The following MID2 variants were observed in gnomAD, a reference collection of about 807,000 sequenced individuals.
MID2 encodes midline 2.
A neutral mutation model predicts 46.1 loss-of-function variants in MID2; 13 were observed. That is an observed-to-expected ratio of 0.28 (90% confidence interval 0.18 to 0.45). The LOEUF (loss-of-function observed/expected upper bound fraction) is 0.45, where lower values mean the gene tolerates loss of function less well. Ranked by LOEUF, MID2 falls within the 20% of genes least tolerant of loss-of-function variation. MID2 has a pLI of 1.00. For missense variants in MID2, 431 were observed against 575.4 expected (o/e 0.75, Z 2.57); for synonymous variants, 199 against 212.3 (o/e 0.94, Z 0.55).
intron 5 of MID2, among the ~76,000 whole-genome samples, chrX:107,908,458 G>A (rs1250643280): frequency 9.0e-6 from 1 of 111,436 alleles, no homozygotes; most frequent in Non-Finnish European, 1.9e-5. Context: ...ATATCTTCAA[G>A]TTCACTAGCC....
chrX:107,849,729 A>C (rs1686765429), intron 2 of MID2, among the ~76,000 whole-genome samples: 1 of 112,569 alleles, frequency 8.9e-6, no homozygotes, highest in South Asian at 3.7e-4. Flanking sequence ...AATCAGCCAA[A>C]TCTTTCCCTT....
At chrX:107,852,775 C>G (rs1004065606) in intron 2 of MID2, among the ~76,000 whole-genome samples, 2 of 111,938 alleles carry the variant, frequency 1.8e-5, no homozygotes, top group African/African-American at 3.3e-5. Context: ...AGGTACTTAG[C>G]AGACAGAAAG....
At chrX:107,842,339 T>G (rs1488425116) in intron 2 of MID2, among the ~76,000 whole-genome samples, 1 of 112,497 alleles carries the variant, frequency 8.9e-6, no homozygotes, top group East Asian at 2.8e-4. Context: ...ATTGCTTGTC[T>G]GCTATGTTGT....
At chrX:107,918,520 T>C (rs949922843) in intron 7 of MID2, among the ~76,000 whole-genome samples, 2 of 112,158 alleles carry the variant, frequency 1.8e-5, no homozygotes, top group Non-Finnish European at 3.8e-5. Context: ...ATGAGAGTAG[T>C]TTTTCCAACT....
At chrX:107,884,353 C>A (rs1478080670) in intron 3 of MID2, among the ~76,000 whole-genome samples, 1 of 112,501 alleles carries the variant, frequency 8.9e-6, no homozygotes, top group Non-Finnish European at 1.9e-5. Flanking sequence ...TTAATTCCTA[C>A]TATGTTCCAG....
intron 3 of MID2, among the ~76,000 whole-genome samples, chrX:107,893,976 C>T (rs1234308451): frequency 2.7e-5 from 3 of 112,364 alleles, no homozygotes; most frequent in African/African-American, 3.2e-5. Flanking sequence ...TACACTCCTT[C>T]GATTTTCCAT....
Position 107,826,109 on chromosome X carries a change from G to A in MID2, c.-318G>A. The A allele has an allele frequency of 1.0e-5, 3 of 296,626 alleles. No homozygotes were observed. The highest frequency in any genetic ancestry group is 6.1e-5 in the Admixed American group (1 of 16,499). 24.4% of individuals were successfully genotyped at this position (296,626 alleles called of 1,213,427 possible). ...GCGGAAATGACAGTGTGGTGCTGCC[G>A]TGGTGTCATGGTGCTGCCCCTGGAC... On this transcript the variant is annotated 5_prime_UTR_variant, in exon 1 of 10. In the 5' UTR this introduces an upstream ATG that the reference lacks. Coordinates refer to ENST00000262843, the MANE Select transcript of MID2 (RefSeq NM_012216.4).
chrX:107,864,028 T>G (rs1448323514), intron 3 of MID2, among the ~76,000 whole-genome samples: 1 of 112,600 alleles, frequency 8.9e-6, no homozygotes, highest in Admixed American at 9.4e-5. Context: ...GATGCCTTAC[T>G]CAAGGTCACA....
chrX:107,866,531 A>G (rs2054291208), intron 3 of MID2, among the ~76,000 whole-genome samples: 1 of 109,676 alleles, frequency 9.1e-6, no homozygotes, highest in Non-Finnish European at 1.9e-5. Context: ...GTGACACATC[A>G]TTAGCTCAGA....
chrX:107,921,988 G>A (rs991963173), intron 7 of MID2, among the ~76,000 whole-genome samples: 1 of 111,638 alleles, frequency 9.0e-6, no homozygotes, highest in African/African-American at 3.3e-5. Flanking sequence ...AGATATGCTA[G>A]ATATAAACAC....
intron 1 of MID2, among the ~76,000 whole-genome samples, chrX:107,832,066 A>G (rs1258230288): frequency 8.9e-6 from 1 of 112,413 alleles, no homozygotes; most frequent in East Asian, 2.8e-4. Flanking sequence ...TGTATAAAAT[A>G]CTCAATGTTT....
intron 3 of MID2, among the ~76,000 whole-genome samples, chrX:107,872,993 A>G (rs186405344): frequency 8.1e-5 from 9 of 110,760 alleles, no homozygotes; most frequent in African/African-American, 9.8e-5. Context: ...GTGCATTTTG[A>G]TAATATTCAT....
At chrX:107,855,859 C>T (rs1274221817) in intron 3 of MID2, among the ~76,000 whole-genome samples, 1 of 111,565 alleles carries the variant, frequency 9.0e-6, no homozygotes, top group African/African-American at 3.3e-5. Context: ...TGGTGCTCTA[C>T]GTAGGGTCCA....
At chrX:107,838,991 G>A (rs779217410) in intron 1 of MID2, among the ~76,000 whole-genome samples, 1 of 110,754 alleles carries the variant, frequency 9.0e-6, no homozygotes, top group Admixed American at 9.5e-5. Flanking sequence ...TACCCCTGGA[G>A]TTCCAGGAGG....
At chrX:107,838,216 A>G (rs1200338886) in intron 1 of MID2, among the ~76,000 whole-genome samples, 1 of 111,952 alleles carries the variant, frequency 8.9e-6, no homozygotes, top group African/African-American at 3.3e-5. Flanking sequence ...GGAGGAGCAC[A>G]ACAAGTTCAT....
intron 7 of MID2, among the ~76,000 whole-genome samples, chrX:107,918,641 T>TA (rs999281306): frequency 9.0e-6 from 1 of 111,271 alleles, no homozygotes; most frequent in African/African-American, 3.3e-5. Flanking sequence ...GATCAAACTC[T>TA]AAAAAACATT....
chrX:107,895,097 T>A (rs1932699314), intron 3 of MID2: 1 of 110,560 alleles, frequency 9.0e-6, no homozygotes, highest in African/African-American at 3.3e-5. Flanking sequence ...AATGTTAACA[T>A]CTTACATAAC....
chrX:107,920,928 C>A (rs1240034883), intron 7 of MID2, among the ~76,000 whole-genome samples: 1 of 111,678 alleles, frequency 9.0e-6, no homozygotes, highest in Non-Finnish European at 1.9e-5. Flanking sequence ...GTGTATATTT[C>A]CTAAGAATAA....
rs558894684 is a variant in MID2, at chrX:107,871,594, G to A, written c.816+16890G>A. Among the ~76,000 whole-genome samples the A allele has an allele frequency of 8.1e-5, 9 of 111,493 alleles. 1 individual carries two copies. In the South Asian group the frequency reaches 2.3e-3, roughly 29 times the overall value. On this transcript the variant is annotated intron_variant, in intron 3 of 9. Coordinates refer to ENST00000262843, the MANE Select transcript of MID2 (RefSeq NM_012216.4). Reference sequence around the variant, plus strand: ...CTTGTTCAACATCCAAGAGGAATGAGGTCGCATGAACAAATTGGAGATGGT... The same window carrying A: ...CTTGTTCAACATCCAAGAGGAATGAAGTCGCATGAACAAATTGGAGATGGT...
Sources: allele counts gnomAD v4.1 joint callset (sites outside exome capture counted in the v4.1 genomes callset), GRCh38; gene constraint gnomAD v4.1.1; transcripts MANE v1.5; gene names NCBI Gene and HGNC (gene_info 2026-07-23, HGNC 2026-07-21).